The following BRD10 variants were observed in gnomAD, a reference collection of about 807,000 sequenced individuals.
BRD10 encodes the protein bromodomain containing 10.
At chr9:5,997,439 G>GC in the BRD10 span, among the ~76,000 whole-genome samples, 1 of 44,542 alleles carries the variant, frequency 2.2e-5, no homozygotes, top group Non-Finnish European at 9.7e-5. Context: ...ATGAAAAAAT[G>GC]GGTTTTTTTT....
the BRD10 span, among the ~76,000 whole-genome samples, chr9:5,956,320 C>A: frequency 6.6e-6 from 1 of 152,094 alleles, no homozygotes; most frequent in Non-Finnish European, 1.5e-5. Context: ...TTCACCACGT[C>A]ATTAGGATGC....
the BRD10 span, among the ~76,000 whole-genome samples, chr9:5,940,279 T>C: frequency 2.0e-5 from 3 of 152,286 alleles, no homozygotes; most frequent in African/African-American, 7.2e-5. Flanking sequence ...CTGCAGCCTC[T>C]GCCTCCCTAG....
At chr9:5,996,329 T>A in the BRD10 span, among the ~76,000 whole-genome samples, 1 of 152,076 alleles carries the variant, frequency 6.6e-6, no homozygotes, top group African/African-American at 2.4e-5. Flanking sequence ...GTTGTTGTTG[T>A]TGTTTTTGAG....
the BRD10 span, chr9:5,920,263 G>T: frequency 2.0e-5 from 32 of 1,613,936 alleles, no homozygotes; most frequent in South Asian, 3.5e-4. Context: ...TAGATATAAG[G>T]AGAACATGGC....
At chr9:5,926,112 T>C in the BRD10 span, among the ~76,000 whole-genome samples, 79 of 152,106 alleles carry the variant, frequency 5.2e-4, no homozygotes, top group Non-Finnish European at 9.7e-4. Context: ...GAGACGGGGT[T>C]TCACCATGTT....
the BRD10 span, among the ~76,000 whole-genome samples, chr9:5,896,671 G>C: frequency 6.6e-6 from 1 of 152,218 alleles, no homozygotes; most frequent in Non-Finnish European, 1.5e-5. Context: ...GCTGTGATCA[G>C]GCAGATGTTA....
the BRD10 span, among the ~76,000 whole-genome samples, chr9:5,932,236 A>C: frequency 2.6e-5 from 4 of 152,146 alleles, no homozygotes; most frequent in African/African-American, 9.7e-5. Flanking sequence ...TGATTGATCA[A>C]CTTTATTCAT....
chr9:5,936,669 G>C, the BRD10 span, among the ~76,000 whole-genome samples: 2 of 152,094 alleles, frequency 1.3e-5, no homozygotes, highest in East Asian at 3.8e-4. Context: ...TCAGTCCACT[G>C]AGTTTTGACA....
chr9:5,919,380 A>G, the BRD10 span: 8 of 234,322 alleles, frequency 3.4e-5, no homozygotes, highest in Admixed American at 3.0e-4. Context: ...AGCTTACTCT[A>G]AACTATTCAA....
the BRD10 span, among the ~76,000 whole-genome samples, chr9:5,977,952 T>C: frequency 6.6e-6 from 1 of 152,224 alleles, no homozygotes; most frequent in African/African-American, 2.4e-5. Context: ...TAAAGGCAGA[T>C]AAAGCAGTGC....
the BRD10 span, chr9:5,944,872 G>A: frequency 1.3e-6 from 2 of 1,498,134 alleles, no homozygotes; most frequent in African/African-American, 1.4e-5. Context: ...AACACCTACC[G>A]ATTTTTTTCT....
chr9:5,967,227 G>A, the BRD10 span, among the ~76,000 whole-genome samples: 1 of 151,730 alleles, frequency 6.6e-6, no homozygotes, highest in Admixed American at 6.6e-5. Context: ...TCTTATTAGG[G>A]TTAATAAAGC....
chr9:5,985,471 A>C, the BRD10 span, among the ~76,000 whole-genome samples: 4 of 152,208 alleles, frequency 2.6e-5, no homozygotes, highest in Non-Finnish European at 4.4e-5. Flanking sequence ...TATCTGACAA[A>C]GGGCTTATAT....
chr9:5,994,901 CTTT>C, the BRD10 span, among the ~76,000 whole-genome samples: 3 of 141,660 alleles, frequency 2.1e-5, no homozygotes, highest in Admixed American at 7.0e-5. Flanking sequence ...TATCATTTTT[CTTT>C]TTTTTTTTTT....
At chr9:5,901,571 T>C in the BRD10 span, among the ~76,000 whole-genome samples, 2 of 152,092 alleles carry the variant, frequency 1.3e-5, no homozygotes, top group Admixed American at 1.3e-4. Context: ...CAGGCTGGAG[T>C]GCAGTGGCTC....
the BRD10 span, among the ~76,000 whole-genome samples, chr9:5,986,028 G>C: frequency 1.3e-5 from 2 of 152,092 alleles, no homozygotes; most frequent in East Asian, 1.9e-4. Context: ...TTGTTACACA[G>C]GTAAACATGT....
chr9:5,934,888 ATTAT>A, the BRD10 span, among the ~76,000 whole-genome samples: 1 of 152,166 alleles, frequency 6.6e-6, no homozygotes, highest in East Asian at 1.9e-4. Flanking sequence ...TAATAAACTA[ATTAT>A]TTGACATTCT....
At chr9:5,885,196 C>T in the BRD10 span, among the ~76,000 whole-genome samples, 30 of 152,296 alleles carry the variant, frequency 2.0e-4, no homozygotes, top group Admixed American at 5.2e-4. Flanking sequence ...GGTCTCTTTA[C>T]GTCACAGCAA....
the BRD10 span, among the ~76,000 whole-genome samples, chr9:5,983,571 G>A: frequency 1.3e-5 from 2 of 151,992 alleles, no homozygotes; most frequent in Non-Finnish European, 2.9e-5. Context: ...ATAAAAAACA[G>A]AACTAAATGT....
Sources: gnomAD v4.1 joint callset for allele counts (sites outside exome capture counted in the v4.1 genomes callset) on GRCh38, gnomAD v4.1.1 for gene constraint, MANE v1.5 for transcripts, NCBI Gene and HGNC (gene_info 2026-07-23, HGNC 2026-07-21) for gene names.